Variants in CNOT11 observed in about 807,000 individuals in gnomAD.
The protein encoded by CNOT11 is CCR4-NOT transcription complex subunit 11, also known as UPF0760 protein C2orf29.
Under a neutral mutation model 44.6 loss-of-function variants are expected in CNOT11, and 18 were observed. The ratio of observed to expected loss-of-function variants is 0.40; its 90% confidence interval spans 0.28 to 0.60. The LOEUF is 0.60. CNOT11 is among the 20% of genes least tolerant of loss of function. The pLI is 0.38. For synonymous variants in CNOT11, 291 were observed against 270.9 expected, an observed-to-expected ratio of 1.07 and a Z score of -0.73; for missense variants, 513 against 677.0, an observed-to-expected ratio of 0.76 and a Z score of 2.69.
Position 101,262,706 on chromosome 2 carries a change from A to G in CNOT11, c.832+15A>G, listed in dbSNP as rs1681894975. ...ACCTATTGAAAGTAGGTACATATAA[A>G]TTAATTTATACTCTTTGTTTTATTC... On this transcript the variant is annotated intron_variant, in intron 3 of 6. Transcript: ENST00000289382. 6.2e-7 allele frequency: 1 copy of G among 1,607,246 alleles called. No individual in the cohort carries two copies. The highest frequency in any genetic ancestry group is 1.3e-5 in the African/African-American group (1 of 74,614).
intron 1 of CNOT11, among the ~76,000 whole-genome samples, chr2:101,256,513 T>A (rs1196572502): frequency 6.6e-6 from 1 of 152,086 alleles, no homozygotes; most frequent in African/African-American, 2.4e-5. Context: ...AGATGAGGCT[T>A]CATGAGCAAT....
intron 5 of CNOT11, 33 bp downstream of exon 5, chr2:101,266,912 A>C: frequency 6.6e-7 from 1 of 1,515,146 alleles, no homozygotes. Context: ...ATGTGTGGGG[A>C]TAGATACAGA....
intron 1 of CNOT11, among the ~76,000 whole-genome samples, chr2:101,257,539 C>T (rs1217742156): frequency 6.6e-6 from 1 of 152,090 alleles, no homozygotes; most frequent in Non-Finnish European, 1.5e-5. Context: ...TTTCTTTCCT[C>T]TTTCTTTAAC....
intron 1 of CNOT11, among the ~76,000 whole-genome samples, chr2:101,254,863 A>AAC (rs138305137): frequency 0.033 from 4,719 of 141,132 alleles, 239 homozygotes; most frequent in African/African-American, 0.11. Flanking sequence ...ACAGCTTCTA[A>AAC]ACACACACAC....
Position 101,264,913 on chromosome 2 carries a change from C to G in CNOT11, c.901C>G (p.Leu301Val). Residue 301 changes from leucine (L) to valine (V), a missense_variant, in exon 4 of 7, where the codon CTA (leucine) becomes GTA (valine). By Grantham distance (32) the Leu-to-Val change is conservative. Around this residue, in one of 4 missense-constraint regions of CNOT11, gnomAD observed 140 missense variants for 169.8 expected, o/e 0.82. Coordinates refer to ENST00000289382, the MANE Select transcript of CNOT11 (RefSeq NM_017546.5). Reference protein sequence around the residue: ...LHICEDELAWLNPTEPDHAIQ... With the variant: ...LHICEDELAWVNPTEPDHAIQ... ...CATTTGTGAGGATGAACTTGCTTGG[C>G]TAAACCCCACGGAGCCTGACCACGC... The G allele has an allele frequency of 6.2e-7, 1 of 1,614,146 alleles. No individual in the cohort carries two copies. The highest frequency in any genetic ancestry group is 1.3e-5 in the African/African-American group (1 of 75,028).
intron 2 of CNOT11, among the ~76,000 whole-genome samples, chr2:101,258,395 C>CAATAAATAAATAAATAAATA (rs58613763): frequency 2.8e-5 from 4 of 144,616 alleles, no homozygotes; most frequent in African/African-American, 1.0e-4. Context: ...GACTCCATCT[C>CAATAAATAAATAAATAAATA]AATAAATAAA....
chr2:101,264,805 A>G, intron 3 of CNOT11, 40 bp from the exon 4 acceptor site: 1 of 1,517,420 alleles, frequency 6.6e-7, no homozygotes, highest in South Asian at 1.1e-5. Flanking sequence ...TAGAGATGTT[A>G]GCTTCCTGAT....
rs766831218 is a variant in CNOT11, at chr2:101,262,559, A to G, written c.700A>G (p.Thr234Ala). 19 of 1,613,992 alleles carry G rather than the reference A, an allele frequency of 1.2e-5. No homozygotes were observed. In the African/African-American group the frequency reaches 1.6e-4, roughly 14 times the overall value. The change falls in exon 3 of 7, where the codon ACG becomes GCG. Residue 234 changes from threonine (T) to alanine (A), a missense_variant. By Grantham distance (58) the Thr-to-Ala change is moderately conservative (BLOSUM62 0). This residue lies in a region of CNOT11 where 140 missense variants were observed against 169.8 expected (regional missense o/e 0.82). Transcript: ENST00000289382. ...ALAERQSELP[T>A]QSKASFPSIL... ...TCCAGAACGCCAATCTGAATTGCCA[A>G]CGCAAAGCAAAGCGAGCTTCCCCAG...
At position 101,253,438 on chromosome 2, in the gene CNOT11, C is replaced by T. The variant is rs765867544; in HGVS notation, c.474C>T (p.Pro158=). 7 of 1,528,304 alleles carry T rather than the reference C, an allele frequency of 4.6e-6. No homozygotes were observed. Among genetic ancestry groups the T allele is most frequent in the Non-Finnish European group, 4.3e-6 (5 of 1,149,730 alleles). The allele number at this position is 1,528,304 out of a possible 1,614,324, so 94.7% of individuals were successfully genotyped here. The change falls in exon 1 of 7, where the codon CCC becomes CCT. Residue 158 remains proline, a synonymous_variant. Transcript: ENST00000289382. The surrounding 1 kb of genome is among the most constrained non-coding windows in gnomAD (Gnocchi z 4.3). ...SFAHLLNPAP[P]ARGGQEPDRP... The stretch of plus-strand genomic sequence containing the variant: ...CGCACCTGCTCAACCCCGCGCCGCC[C>T]GCCCGCGGCGGCCAGGAACCCGACC...
intron 4 of CNOT11, 100 bp downstream of exon 4, chr2:101,265,147 G>A: frequency 1.4e-6 from 1 of 718,900 alleles, no homozygotes; most frequent in Non-Finnish European, 2.1e-6. Flanking sequence ...GCTGCCCAGG[G>A]TGGAGTGCAG....
At chr2:101,267,012 A>C (rs769897357) in intron 5 of CNOT11, 133 bp downstream of exon 5, 48 of 637,702 alleles carry the variant, frequency 7.5e-5, no homozygotes, top group Admixed American at 1.1e-4. Context: ...TGTAAGCCTT[A>C]GCATTCACTA....
chr2:101,265,086 T>TA, intron 4 of CNOT11, 39 bp downstream of exon 4: 1 of 1,302,610 alleles, frequency 7.7e-7, no homozygotes, highest in Non-Finnish European at 1.0e-6. Flanking sequence ...TCTTTTTTTT[T>TA]AAATTTATTT....
intron 2 of CNOT11, among the ~76,000 whole-genome samples, chr2:101,260,829 T>C (rs1012909439): frequency 3.9e-5 from 6 of 151,976 alleles, no homozygotes; most frequent in Admixed American, 2.0e-4. Context: ...ATTTATCTTT[T>C]TTTTTTTTTC....
chr2:101,267,133 ATTTTT>A (rs1192331266), intron 5 of CNOT11, among the ~76,000 whole-genome samples: 1 of 152,010 alleles, frequency 6.6e-6, no homozygotes, highest in Non-Finnish European at 1.5e-5. Flanking sequence ...TTATTTATTT[ATTTTT>A]TTGAGAGGGA....
At chr2:101,267,717 G>A (rs1682020041) in intron 5 of CNOT11, among the ~76,000 whole-genome samples, 1 of 152,144 alleles carries the variant, frequency 6.6e-6, no homozygotes, top group African/African-American at 2.4e-5. Context: ...TATCTTTTAG[G>A]TAAATTGTGA....
chr2:101,259,464 C>T (rs1195177413), intron 2 of CNOT11, among the ~76,000 whole-genome samples: 1 of 152,174 alleles, frequency 6.6e-6, no homozygotes, highest in Non-Finnish European at 1.5e-5. Flanking sequence ...CAGAGAGAGG[C>T]TCTCTGAGTT....
At position 101,262,504 on chromosome 2, in the gene CNOT11, G is replaced by A. The variant is rs376067003; in HGVS notation, c.680-35G>A. ...TAGCTTGTCTTTTCTCTCTCCTCAT[G>A]ATGTCCATAATTTTAAAATGTCTCC... On this transcript the variant is annotated intron_variant, in intron 2 of 6. Coordinates refer to ENST00000289382, the MANE Select transcript of CNOT11 (RefSeq NM_017546.5). 1.2e-4 allele frequency: 190 copies of A among 1,605,410 alleles called. 1 individual carries two copies. In the South Asian group the frequency reaches 1.8e-3, roughly 16 times the overall value.
chr2:101,254,724 T>C (rs577641261), intron 1 of CNOT11, among the ~76,000 whole-genome samples: 5 of 152,114 alleles, frequency 3.3e-5, no homozygotes, highest in African/African-American at 7.2e-5. Flanking sequence ...AGTAAGATCC[T>C]GTCTTTACAA....
Position 101,253,248 on chromosome 2 carries a change from A to G in CNOT11, c.284A>G (p.Tyr95Cys). The part of the protein sequence containing the change: ...FEGLSTAFHH[Y>C]FSKADHFRLG... ...GGCCTGTCCACCGCCTTCCACCACT[A>G]CTTCAGCAAGGCCGACCACTTCCGC... Residue 95 changes from tyrosine to cysteine, a missense_variant, in exon 1 of 7, where the codon TAC (tyrosine) becomes TGC (cysteine). Around this residue, in one of 4 missense-constraint regions of CNOT11, gnomAD observed 259 missense variants for 265.7 expected, o/e 0.97. Transcript: ENST00000289382. This position sits in a 1 kb window ranked among gnomAD's most constrained non-coding sequence, Gnocchi z 4.3. 1 of 1,611,618 alleles carries G rather than the reference A, an allele frequency of 6.2e-7. No homozygotes were observed. The highest frequency in any genetic ancestry group is 2.2e-5 in the East Asian group (1 of 44,776).
Sources: gnomAD v4.1 joint callset for allele counts (sites outside exome capture counted in the v4.1 genomes callset) on GRCh38, gnomAD v4.1.1 for gene constraint, gnomAD v4.1.1 regional missense constraint, Gnocchi (gnomAD v3.1) non-coding constraint, MANE v1.5 for transcripts, NCBI Gene and HGNC (gene_info 2026-07-23, HGNC 2026-07-21) for gene names.